ARHGAP26: variants seen among roughly 807,000 people sequenced by gnomAD.
ARHGAP26 encodes Rho GTPase activating protein 26.
In ARHGAP26, 38 loss-of-function variants were observed where a neutral mutation model predicts 104.8. The observed-to-expected ratio is 0.36, with a 90% CI of 0.28 to 0.48. The LOEUF is 0.48. ARHGAP26 is among the 20% of genes least tolerant of loss of function. ARHGAP26 has a pLI of 0.99. For synonymous variants in ARHGAP26, 341 were observed against 340.0 expected, an observed-to-expected ratio of 1.00 and a Z score of -0.03; for missense variants, 704 against 947.9, an observed-to-expected ratio of 0.74 and a Z score of 3.38.
intron 21 of ARHGAP26, among the ~76,000 whole-genome samples, chr5:143,210,227 G>A (rs756592648): frequency 2.6e-5 from 4 of 152,192 alleles, no homozygotes; most frequent in Non-Finnish European, 4.4e-5. Context: ...CAAGGAGGAG[G>A]AAGTCACGTC....
intron 4 of ARHGAP26, among the ~76,000 whole-genome samples, chr5:142,881,533 CA>C (rs1218671351): frequency 6.6e-6 from 1 of 152,124 alleles, no homozygotes; most frequent in Non-Finnish European, 1.5e-5. Flanking sequence ...TTCATTAAAC[CA>C]TGAATAATTA....
intron 11 of ARHGAP26, among the ~76,000 whole-genome samples, chr5:142,949,215 GAGAGAGGAGAGAGAGAGGAGAGAGA>G (rs1767854507): frequency 3.0e-5 from 2 of 66,892 alleles, no homozygotes; most frequent in East Asian, 4.2e-3. Context: ...GAGAGAGAGA[GAGAGAGGAGAGAGAGAGGAGAGAGA>G]GAGAGAGAGA....
chr5:143,191,516 G>A (rs978707034), intron 20 of ARHGAP26, among the ~76,000 whole-genome samples: 2 of 152,172 alleles, frequency 1.3e-5, no homozygotes, highest in Non-Finnish European at 2.9e-5. Flanking sequence ...TTTAAGTGGT[G>A]CTTGGGTGAA....
chr5:142,889,254 T>C (rs1174688184), intron 5 of ARHGAP26, among the ~76,000 whole-genome samples: 1 of 152,208 alleles, frequency 6.6e-6, no homozygotes, highest in Non-Finnish European at 1.5e-5. Context: ...TACACCGTTC[T>C]GAGCACTGGA....
intron 1 of ARHGAP26, among the ~76,000 whole-genome samples, chr5:142,775,794 C>A (rs1395059957): frequency 1.3e-5 from 2 of 152,192 alleles, no homozygotes; most frequent in East Asian, 3.8e-4. Flanking sequence ...ATGTTAATAG[C>A]ATGTGTTAGG....
At chr5:143,064,515 T>C (rs931484710) in intron 17 of ARHGAP26, among the ~76,000 whole-genome samples, 1 of 149,322 alleles carries the variant, frequency 6.7e-6, no homozygotes, top group Admixed American at 6.8e-5. Flanking sequence ...GGAAGAAGAG[T>C]GCATTTTTTT....
intron 17 of ARHGAP26, among the ~76,000 whole-genome samples, chr5:143,078,958 C>G (rs891453017): frequency 6.6e-6 from 1 of 152,232 alleles, no homozygotes; most frequent in Non-Finnish European, 1.5e-5. Flanking sequence ...CACCTGATAT[C>G]TTGATTGTGC....
intron 1 of ARHGAP26, among the ~76,000 whole-genome samples, chr5:142,791,562 T>C (rs1024536430): frequency 3.9e-5 from 6 of 152,222 alleles, no homozygotes; most frequent in African/African-American, 1.2e-4. Context: ...GACTGATGGC[T>C]GACTCTTAAA....
At position 143,222,911 on chromosome 5, in the gene ARHGAP26, A is replaced by G. The variant is rs1811375052; in HGVS notation, c.*465A>G. ...TTACAATAGGCACTCTCTCTACCCC[A>G]CCTCTCAGTACTTGAGACTTAAAGT... On this transcript the variant is annotated 3_prime_UTR_variant, in exon 23 of 23. Coordinates refer to ENST00000645722, the MANE Select transcript of ARHGAP26 (RefSeq NM_001135608.3). 1 of 233,106 alleles carries G rather than the reference A, an allele frequency of 4.3e-6. No individual in the cohort carries two copies. The highest frequency in any genetic ancestry group is 1.8e-4 in the South Asian group (1 of 5,530). The allele number at this position is 233,106 out of a possible 1,614,324, so 14.4% of individuals were successfully genotyped here.
intron 20 of ARHGAP26, among the ~76,000 whole-genome samples, chr5:143,189,262 C>G (rs1324659017): frequency 6.6e-6 from 1 of 152,124 alleles, no homozygotes; most frequent in African/African-American, 2.4e-5. Flanking sequence ...GGAGCTTAGG[C>G]AGAAATGGGG....
chr5:142,980,622 C>T (rs1025760473), intron 11 of ARHGAP26, among the ~76,000 whole-genome samples: 1 of 152,066 alleles, frequency 6.6e-6, no homozygotes, highest in Non-Finnish European at 1.5e-5. Context: ...CTCCTGACCT[C>T]AGGCAATCTG....
intron 21 of ARHGAP26, among the ~76,000 whole-genome samples, chr5:143,207,979 G>A (rs1211214621): frequency 6.6e-6 from 1 of 152,094 alleles, no homozygotes; most frequent in Non-Finnish European, 1.5e-5. Context: ...CTTATGCCTC[G>A]TTGTCCCCCA....
At chr5:143,209,255 A>G (rs780045182) in intron 21 of ARHGAP26, among the ~76,000 whole-genome samples, 4 of 152,066 alleles carry the variant, frequency 2.6e-5, no homozygotes, top group East Asian at 1.9e-4. Flanking sequence ...CTTGTCAAGT[A>G]TCTCTACCTC....
At chr5:143,207,763 A>G (rs1050118685) in intron 21 of ARHGAP26, among the ~76,000 whole-genome samples, 11 of 152,246 alleles carry the variant, frequency 7.2e-5, no homozygotes, top group African/African-American at 1.7e-4. Context: ...GTAAGATAAC[A>G]TAAGAGGAAA....
intron 1 of ARHGAP26, among the ~76,000 whole-genome samples, chr5:142,831,379 T>C (rs1462912867): frequency 6.6e-6 from 1 of 152,130 alleles, no homozygotes; most frequent in Non-Finnish European, 1.5e-5. Context: ...CTCTTTGGTC[T>C]CCTTTTTTCT....
intron 1 of ARHGAP26, among the ~76,000 whole-genome samples, chr5:142,822,197 T>G (rs939956648): frequency 1.3e-5 from 2 of 151,770 alleles, no homozygotes; most frequent in Non-Finnish European, 2.9e-5. Flanking sequence ...TCTATCACAC[T>G]AACTGTTTGA....
chr5:143,159,834 G>C (rs1174125951), intron 20 of ARHGAP26, among the ~76,000 whole-genome samples: 1 of 152,126 alleles, frequency 6.6e-6, no homozygotes, highest in East Asian at 1.9e-4. Context: ...GAATCTGTGT[G>C]GTTTTCCCTG....
At chr5:143,094,582 G>GGCAT (rs995913606) in intron 17 of ARHGAP26, among the ~76,000 whole-genome samples, 20 of 152,204 alleles carry the variant, frequency 1.3e-4, no homozygotes, top group African/African-American at 4.8e-4. Context: ...TTCTCAGCAA[G>GGCAT]GCATGGTACC....
chr5:142,820,637 G>C (rs1485502415), intron 1 of ARHGAP26, among the ~76,000 whole-genome samples: 1 of 152,152 alleles, frequency 6.6e-6, no homozygotes. Context: ...GATGGGCAGA[G>C]CTGGACCTTG....
Sources: allele counts gnomAD v4.1 joint callset (sites outside exome capture counted in the v4.1 genomes callset), GRCh38; gene constraint gnomAD v4.1.1; transcripts MANE v1.5; gene names NCBI Gene and HGNC (gene_info 2026-07-23, HGNC 2026-07-21).